MYO18A: variants seen among roughly 807,000 people sequenced by gnomAD.
MYO18A encodes the protein myosin XVIIIA.
A neutral mutation model predicts 235.8 loss-of-function variants in MYO18A; 78 were observed. The observed-to-expected ratio is 0.33, with a 90% CI of 0.28 to 0.40. The LOEUF is 0.40. MYO18A is among the 10% of genes least tolerant of loss of function. MYO18A has a pLI of 1.00. For missense variants in MYO18A, 2,215 were observed against 2,699.3 expected, an observed-to-expected ratio of 0.82 and a Z score of 3.98; for synonymous variants, 977 against 1,077.8, an observed-to-expected ratio of 0.91 and a Z score of 1.83.
rs548722925 is a variant in MYO18A, at chr17:29,101,431, G to A, written c.3508-1669C>T. 4.6e-5 allele frequency among the ~76,000 whole-genome samples: 7 copies of A among 151,708 alleles called. No homozygotes were observed. The South Asian group carries it at 8.4e-4, about 18-fold the overall frequency. ...AGCGATTCTCATGCCTCAGCCTCCC[G>A]AGTAGCTGGGACTACAGGTGCCCGT... is the stretch of plus-strand genomic sequence containing the variant. On this transcript the variant is annotated intron_variant, in intron 21 of 41. Coordinates refer to ENST00000527372, the MANE Select transcript of MYO18A (RefSeq NM_078471.4).
intron 2 of MYO18A, among the ~76,000 whole-genome samples, chr17:29,139,083 G>C (rs2067673527): frequency 6.6e-6 from 1 of 152,228 alleles, no homozygotes; most frequent in Admixed American, 6.5e-5. Flanking sequence ...CCAGCCTCCA[G>C]CCAGAGCCCT....
Position 29,111,904 on chromosome 17 carries a change from T to C in MYO18A, c.2599-41A>G, listed in dbSNP as rs1243375497. The C allele has an allele frequency of 1.9e-6, 3 of 1,588,908 alleles. No homozygotes were observed. Among genetic ancestry groups the C allele is most frequent in the African/African-American group, 1.4e-5 (1 of 74,022 alleles). On this transcript the variant is annotated intron_variant, in intron 15 of 41. Coordinates refer to ENST00000527372, the MANE Select transcript of MYO18A (RefSeq NM_078471.4). This position sits in a 1 kb window ranked among gnomAD's most constrained non-coding sequence, Gnocchi z 5.1. ...GAAATCCCTCCTTGTCATATGGAGCTGTGGGAAAGGGGCCAGGGTGGTGCC... is the reference window on the plus strand; with the variant it reads ...GAAATCCCTCCTTGTCATATGGAGCCGTGGGAAAGGGGCCAGGGTGGTGCC...
chr17:29,091,514 T>C (rs1207426547), intron 34 of MYO18A: 10 of 420,142 alleles, frequency 2.4e-5, no homozygotes, highest in African/African-American at 2.0e-4. Context: ...ATCTTGTTAC[T>C]GGGCTGTGGG....
At chr17:29,076,917 G>A (rs950136313) in intron 41 of MYO18A, 2 of 152,274 alleles carry the variant, frequency 1.3e-5, no homozygotes, top group Non-Finnish European at 2.9e-5. Context: ...AGGTGCTGCT[G>A]GCGAGCTCCA....
At chr17:29,133,721 A>G in intron 2 of MYO18A, 1 of 1,125,132 alleles carries the variant, frequency 8.9e-7, no homozygotes, top group South Asian at 1.3e-5. Flanking sequence ...TCCCTCTCCC[A>G]CAAGCCAGTC....
Position 29,144,498 on chromosome 17 carries a change from C to T in MYO18A, c.999+21444G>A, listed in dbSNP as rs568559176. On this transcript the variant is annotated intron_variant, in intron 2 of 41. Coordinates refer to ENST00000527372, the MANE Select transcript of MYO18A (RefSeq NM_078471.4). ...ATGCAAAGAACGTGGGCTTGGCAGC[C>T]AGACACACCTGGGTCTGAATCCCAG... Among the ~76,000 whole-genome samples the T allele has an allele frequency of 5.9e-5, 9 of 152,320 alleles. No homozygotes were observed. In the South Asian group the frequency reaches 1.9e-3, roughly 32 times the overall value.
intron 17 of MYO18A, 122 bp from the exon 18 acceptor site, chr17:29,110,744 C>A: frequency 4.2e-6 from 4 of 946,426 alleles, no homozygotes; most frequent in Non-Finnish European, 6.1e-6. Flanking sequence ...AGGGGCCTGG[C>A]TACCTGAACT....
At chr17:29,114,122 T>C (rs758548854) in intron 14 of MYO18A, 25 bp from the exon 15 acceptor site, 2 of 1,552,376 alleles carry the variant, frequency 1.3e-6, no homozygotes, top group Non-Finnish European at 8.8e-7. Flanking sequence ...CGAGCGGTAG[T>C]GAGCATGGGG....
At chr17:29,078,696 G>A (rs140471661) in intron 41 of MYO18A, 2 of 152,360 alleles carry the variant, frequency 1.3e-5, no homozygotes, top group Non-Finnish European at 2.9e-5. Context: ...ATGTCACCAC[G>A]CACCAGAGAA....
chr17:29,149,766 A>G (rs1442643618), intron 2 of MYO18A, among the ~76,000 whole-genome samples: 4 of 152,066 alleles, frequency 2.6e-5, no homozygotes, highest in Admixed American at 6.6e-5. Context: ...TGCTTTGCCA[A>G]GCTCCCCCAA....
At chr17:29,172,062 A>C (rs1382801875) in intron 1 of MYO18A, among the ~76,000 whole-genome samples, 1 of 152,194 alleles carries the variant, frequency 6.6e-6, no homozygotes, top group Non-Finnish European at 1.5e-5. Context: ...TTGTGATAAA[A>C]TTTTGGGAAA....
At chr17:29,123,974 G>A (rs1304719701) in intron 2 of MYO18A, among the ~76,000 whole-genome samples, 1 of 151,986 alleles carries the variant, frequency 6.6e-6, no homozygotes. Context: ...CGTGAACCCA[G>A]GAGGTGGAGC....
rs572528242 is a variant in MYO18A at position 29,109,934 on chromosome 17, C to T, written c.3255G>A (p.Leu1085=). The change falls in exon 19 of 42, where the codon CTG becomes CTA. Residue 1085 remains leucine, a synonymous_variant. Coordinates refer to ENST00000527372, the MANE Select transcript of MYO18A (RefSeq NM_078471.4). This position sits in a 1 kb window ranked among gnomAD's most constrained non-coding sequence, Gnocchi z 4.1. ...TGCGGAGCAGGGGCACGTCGAGCTG[C>T]AGGAGCCCAGCCTCGCAGTGGTCTC... ...PSGDHCEAGL[L]QLDVPLLRTQ... 1.5e-4 allele frequency: 234 copies of T among 1,602,374 alleles called. 2 individuals carry two copies. In the South Asian group the frequency reaches 2.6e-3, roughly 18 times the overall value.
chr17:29,168,322 C>T (rs916033073), intron 1 of MYO18A, among the ~76,000 whole-genome samples: 3 of 152,168 alleles, frequency 2.0e-5, no homozygotes, highest in Non-Finnish European at 4.4e-5. Flanking sequence ...AACCTACCCA[C>T]CAACCTACCC....
intron 34 of MYO18A, 72 bp from the exon 35 acceptor site, chr17:29,090,998 G>T: frequency 8.2e-7 from 1 of 1,218,648 alleles, no homozygotes; most frequent in Non-Finnish European, 1.2e-6. Context: ...GCCTCCAATG[G>T]CAGGGGCATT....
intron 20 of MYO18A, among the ~76,000 whole-genome samples, 193 bp from the exon 21 acceptor site, chr17:29,103,857 G>T (rs184284551): frequency 8.5e-5 from 13 of 152,378 alleles, no homozygotes; most frequent in African/African-American, 3.1e-4. Flanking sequence ...GGAACAAACC[G>T]TCTTGCTGGG....
chr17:29,097,934 A>G, intron 25 of MYO18A, 35 bp from the exon 26 acceptor site: 1 of 1,594,550 alleles, frequency 6.3e-7, no homozygotes, highest in Non-Finnish European at 8.6e-7. Context: ...GTGCCATTCC[A>G]TCCCCTCATA....
chr17:29,160,870 G>A (rs929393017), intron 2 of MYO18A, among the ~76,000 whole-genome samples: 10 of 152,238 alleles, frequency 6.6e-5, no homozygotes, highest in Non-Finnish European at 1.2e-4. Context: ...TTGGCTGGGA[G>A]GGAGTGGTAA....
chr17:29,171,893 A>AAAAG (rs1346130872), intron 1 of MYO18A, among the ~76,000 whole-genome samples: 3 of 151,492 alleles, frequency 2.0e-5, no homozygotes, highest in Non-Finnish European at 4.4e-5. Context: ...ACCCTGTCTC[A>AAAAG]AAAGAAAGAA....
Sources: gnomAD v4.1 joint callset for allele counts (sites outside exome capture counted in the v4.1 genomes callset) on GRCh38, gnomAD v4.1.1 for gene constraint, Gnocchi (gnomAD v3.1) non-coding constraint, MANE v1.5 for transcripts, NCBI Gene and HGNC (gene_info 2026-07-23, HGNC 2026-07-21) for gene names.